The following EYS variants were observed in gnomAD, a reference collection of about 807,000 sequenced individuals.
EYS encodes the protein protein eyes shut homolog.
Under a neutral mutation model 282.1 loss-of-function variants are expected in EYS, and 250 were observed. The observed-to-expected ratio is 0.89, with a 90% CI of 0.80 to 0.98. The LOEUF (loss-of-function observed/expected upper bound fraction) is 0.98. Ranked by LOEUF, EYS falls within the 50% of genes least tolerant of loss-of-function variation. The pLI, the probability that EYS is intolerant of heterozygous loss-of-function variation, is 0.00. For synonymous variants in EYS, 1,355 were observed against 1,282.9 expected (o/e 1.06, Z -1.20); for missense variants, 4,016 against 3,709.0 (o/e 1.08, Z -2.15).
intron 12 of EYS, among the ~76,000 whole-genome samples, chr6:65,162,514 A>G (rs529208376): frequency 1.0e-3 from 152 of 151,388 alleles, no homozygotes; most frequent in African/African-American, 3.5e-3. Flanking sequence ...TATTAGACAC[A>G]TATAGTACAT....
At chr6:64,698,676 C>T (rs7745853) in intron 22 of EYS, among the ~76,000 whole-genome samples, 1 of 152,064 alleles carries the variant, frequency 6.6e-6, no homozygotes, top group African/African-American at 2.4e-5. Context: ...GGACATGAAC[C>T]GACTCTTTTC....
intron 1 of EYS, among the ~76,000 whole-genome samples, chr6:65,687,739 G>A (rs1769077989): frequency 6.6e-6 from 1 of 152,068 alleles, no homozygotes; most frequent in Admixed American, 6.6e-5. Flanking sequence ...CAAAGTCTCA[G>A]GATACAAAAT....
At chr6:63,888,982 T>C (rs1280660630) in intron 35 of EYS, among the ~76,000 whole-genome samples, 1 of 152,054 alleles carries the variant, frequency 6.6e-6, no homozygotes, top group Non-Finnish European at 1.5e-5. Context: ...GCACGTAAAC[T>C]TCATGAAGCA....
chr6:65,283,716 T>A (rs1768284810), intron 12 of EYS, among the ~76,000 whole-genome samples: 1 of 152,050 alleles, frequency 6.6e-6, no homozygotes, highest in Non-Finnish European at 1.5e-5. Context: ...TCACAGTATC[T>A]ATGCCTTTTT....
chr6:64,058,223 T>C (rs1245399468), intron 33 of EYS, among the ~76,000 whole-genome samples: 1 of 152,012 alleles, frequency 6.6e-6, no homozygotes, highest in East Asian at 1.9e-4. Flanking sequence ...CTGCCATGAT[T>C]GTGAGGCCTC....
chr6:64,978,911 G>T (rs1448906256), intron 14 of EYS, among the ~76,000 whole-genome samples: 1 of 151,824 alleles, frequency 6.6e-6, no homozygotes, highest in African/African-American at 2.4e-5. Context: ...ATGAGGAATT[G>T]TTTATTATGG....
chr6:65,456,428 G>A (rs556623701), intron 5 of EYS, among the ~76,000 whole-genome samples: 4 of 148,164 alleles, frequency 2.7e-5, no homozygotes, highest in Non-Finnish European at 4.5e-5. Context: ...CCAGCCTAGC[G>A]ACAGAGTGAG....
chr6:65,093,469 C>G (rs563937325), intron 12 of EYS, among the ~76,000 whole-genome samples: 6 of 151,670 alleles, frequency 4.0e-5, no homozygotes, highest in Non-Finnish European at 8.8e-5. Flanking sequence ...AATGTATACA[C>G]AATATAAAAT....
intron 12 of EYS, among the ~76,000 whole-genome samples, chr6:65,202,536 C>T (rs2150246739): frequency 6.6e-6 from 1 of 152,182 alleles, no homozygotes; most frequent in South Asian, 2.1e-4. Context: ...AGAACTCTAG[C>T]ACACAGTTTG....
At chr6:65,574,978 TA>T (rs1474923827) in intron 2 of EYS, among the ~76,000 whole-genome samples, 8 of 152,064 alleles carry the variant, frequency 5.3e-5, no homozygotes, top group African/African-American at 1.9e-4. Flanking sequence ...CAAAAAAGAA[TA>T]GAACTATTTG....
chr6:65,259,065 T>C (rs1582072786), intron 12 of EYS, among the ~76,000 whole-genome samples: 1 of 152,110 alleles, frequency 6.6e-6, no homozygotes, highest in East Asian at 1.9e-4. Flanking sequence ...ATTACAGAAA[T>C]TTAAATATTT....
intron 31 of EYS, among the ~76,000 whole-genome samples, chr6:64,172,289 A>G (rs912342182): frequency 1.4e-4 from 21 of 152,114 alleles, no homozygotes; most frequent in African/African-American, 5.1e-4. Context: ...TACAGTATAC[A>G]TAATTATACT....
rs1239402999 is a variant in EYS at position 64,958,236 on chromosome 6, G to T, written c.2260-12322C>A. The stretch of plus-strand genomic sequence containing the variant: ...TATATGTATATAACATCAAATTTTG[G>T]CTGGGTGCGGTGGCTCAGGCCTCTA... On this transcript the variant is annotated intron_variant, in intron 14 of 42. Coordinates refer to ENST00000503581, the MANE Select transcript of EYS (RefSeq NM_001142800.2). Among the ~76,000 whole-genome samples the T allele has an allele frequency of 4.0e-5, 6 of 151,804 alleles. No homozygotes were observed. The East Asian group carries it at 1.2e-3, about 29-fold the overall frequency.
chr6:64,085,336 G>GCACACACACACACACACACA (rs1304096306), intron 31 of EYS, among the ~76,000 whole-genome samples: 5 of 76,640 alleles, frequency 6.5e-5, no homozygotes, highest in East Asian at 9.7e-4. Flanking sequence ...GCGCACGTGC[G>GCACACACACACACACACACA]CGCGCACACA....
chr6:63,773,340 G>A (rs1769983136), intron 40 of EYS, among the ~76,000 whole-genome samples: 1 of 152,142 alleles, frequency 6.6e-6, no homozygotes, highest in South Asian at 2.1e-4. Flanking sequence ...GGAAGCAACA[G>A]TGAGAGAAAA....
At chr6:63,934,337 G>C (rs1321425121) in intron 35 of EYS, among the ~76,000 whole-genome samples, 1 of 152,154 alleles carries the variant, frequency 6.6e-6, no homozygotes, top group Non-Finnish European at 1.5e-5. Context: ...GGAAGTCAGT[G>C]TGGCGATTCC....
intron 19 of EYS, among the ~76,000 whole-genome samples, chr6:64,878,373 A>G (rs1327678192): frequency 2.0e-5 from 3 of 152,188 alleles, no homozygotes; most frequent in Admixed American, 6.6e-5. Context: ...GCGAAGATAA[A>G]GAAGCTTTCT....
At chr6:64,657,284 C>T (rs1352973111) in intron 22 of EYS, among the ~76,000 whole-genome samples, 2 of 152,192 alleles carry the variant, frequency 1.3e-5, no homozygotes, top group Non-Finnish European at 2.9e-5. Context: ...ATACAGCACA[C>T]TGATGGGTCT....
intron 2 of EYS, among the ~76,000 whole-genome samples, chr6:65,631,466 A>C (rs1276430626): frequency 2.1e-5 from 3 of 143,042 alleles, no homozygotes; most frequent in African/African-American, 8.0e-5. Context: ...TGGACACCTA[A>C]CATGAATGGA....
Sources: allele counts gnomAD v4.1 joint callset (sites outside exome capture counted in the v4.1 genomes callset), GRCh38; gene constraint gnomAD v4.1.1; transcripts MANE v1.5; gene names NCBI Gene and HGNC (gene_info 2026-07-23, HGNC 2026-07-21).